The following LDLRAD4 variants were observed in gnomAD, a reference collection of about 807,000 sequenced individuals.
LDLRAD4 encodes low-density lipoprotein receptor class A domain-containing protein 4.
Under a neutral mutation model 17.0 loss-of-function variants are expected in LDLRAD4, and 5 were observed. The observed-to-expected ratio is 0.29, with a 90% confidence interval of 0.15 to 0.62. The LOEUF (loss-of-function observed/expected upper bound fraction) is 0.62. Among genes scored for constraint, LDLRAD4 ranks in the 20% least tolerant of loss-of-function variants. The pLI is 0.84. For synonymous variants in LDLRAD4, 168 were observed against 171.8 expected (o/e 0.98, Z 0.17); for missense variants, 340 against 424.7 (o/e 0.80, Z 1.75).
chr18:13,504,969 G>C (rs2093667746), intron 3 of LDLRAD4, among the ~76,000 whole-genome samples: 1 of 152,152 alleles, frequency 6.6e-6, no homozygotes, highest in Non-Finnish European at 1.5e-5. Flanking sequence ...GCTTGAGTCT[G>C]GAGACCTGGA....
At chr18:13,611,805 G>C (rs2039586402) in intron 3 of LDLRAD4, 7 of 985,770 alleles carry the variant, frequency 7.1e-6, no homozygotes, top group Non-Finnish European at 8.4e-6. Flanking sequence ...GGGGAAAGGA[G>C]CGCGCAGTGT....
chr18:13,443,227 C>T (rs2091148513), intron 3 of LDLRAD4, among the ~76,000 whole-genome samples: 1 of 152,120 alleles, frequency 6.6e-6, no homozygotes, highest in Non-Finnish European at 1.5e-5. Context: ...CCGAAACCAG[C>T]TCTTCCCACC....
chr18:13,386,794 A>G (rs999985672), intron 1 of LDLRAD4, among the ~76,000 whole-genome samples: 23 of 152,190 alleles, frequency 1.5e-4, no homozygotes, highest in African/African-American at 5.5e-4. Flanking sequence ...GCACATGCCT[A>G]TAATCCTAGC....
At chr18:13,272,916 C>A (rs1437960574) in intron 1 of LDLRAD4, among the ~76,000 whole-genome samples, 2 of 152,198 alleles carry the variant, frequency 1.3e-5, no homozygotes, top group African/African-American at 4.8e-5. Flanking sequence ...GTCAGTCTGT[C>A]TTGGCTTCAA....
At chr18:13,501,719 A>T (rs2147293794) in intron 3 of LDLRAD4, among the ~76,000 whole-genome samples, 1 of 152,200 alleles carries the variant, frequency 6.6e-6, no homozygotes, top group South Asian at 2.1e-4. Context: ...GTGTGTGCAC[A>T]GGACGCCTGA....
At chr18:13,348,751 C>T (rs2082856597) in intron 1 of LDLRAD4, among the ~76,000 whole-genome samples, 1 of 152,160 alleles carries the variant, frequency 6.6e-6, no homozygotes, top group Admixed American at 6.5e-5. Context: ...CTTTGTTTAC[C>T]TACTCAAGCC....
At chr18:13,363,245 T>G (rs984332903) in intron 1 of LDLRAD4, among the ~76,000 whole-genome samples, 1 of 144,900 alleles carries the variant, frequency 6.9e-6, no homozygotes, top group Non-Finnish European at 1.5e-5. Flanking sequence ...GGCAGGAGAA[T>G]GGCGTGAACC....
intron 1 of LDLRAD4, among the ~76,000 whole-genome samples, chr18:13,368,118 T>A (rs2084202359): frequency 6.6e-6 from 1 of 152,096 alleles, no homozygotes; most frequent in Admixed American, 6.5e-5. Flanking sequence ...CGAGTGAGCC[T>A]TTCTAGGAGG....
chr18:13,372,999 A>C (rs1599749249), intron 1 of LDLRAD4, among the ~76,000 whole-genome samples: 1 of 152,326 alleles, frequency 6.6e-6, no homozygotes, highest in Admixed American at 6.5e-5. Flanking sequence ...AATAAATATC[A>C]ACAACGGATT....
chr18:13,386,832 G>A (rs963917707), intron 1 of LDLRAD4, among the ~76,000 whole-genome samples: 1 of 152,132 alleles, frequency 6.6e-6, no homozygotes, highest in African/African-American at 2.4e-5. Flanking sequence ...CCTTTGTGAG[G>A]ATTGCTTGAG....
At chr18:13,374,485 C>G (rs1295504538) in intron 1 of LDLRAD4, among the ~76,000 whole-genome samples, 1 of 152,248 alleles carries the variant, frequency 6.6e-6, no homozygotes. Flanking sequence ...AATGCAGCCT[C>G]TTGGGCCCTG....
At chr18:13,526,956 T>C (rs1345233655) in intron 3 of LDLRAD4, among the ~76,000 whole-genome samples, 1 of 152,220 alleles carries the variant, frequency 6.6e-6, no homozygotes, top group African/African-American at 2.4e-5. Context: ...GGTTACTGTC[T>C]GTCTCATGAA....
chr18:13,354,675 T>C (rs1259745898), intron 1 of LDLRAD4, among the ~76,000 whole-genome samples: 2 of 152,204 alleles, frequency 1.3e-5, no homozygotes, highest in African/African-American at 4.8e-5. Flanking sequence ...TCAGACATTA[T>C]TTAGCTGGGG....
chr18:13,632,433 A>G (rs1350896940), intron 4 of LDLRAD4, among the ~76,000 whole-genome samples: 1 of 152,240 alleles, frequency 6.6e-6, no homozygotes, highest in Non-Finnish European at 1.5e-5. Context: ...AGGTACTGGC[A>G]CAGGTGCTTG....
rs147273960 is a variant in LDLRAD4, at chr18:13,402,732, A to G, written c.40+14970A>G. Among the ~76,000 whole-genome samples, 1,495 of 152,368 alleles carry G rather than the reference A, an allele frequency of 9.8e-3. 20 individuals carry two copies. The highest frequency in any genetic ancestry group is 0.034 in the African/African-American group (1,433 of 41,584). The stretch of plus-strand genomic sequence containing the variant: ...TTTGTGATGATTTGGGGACTCTTCC[A>G]TCATTCAAATTCCAAATTGCGAAAA... On this transcript the variant is annotated intron_variant, in intron 2 of 5. Coordinates refer to ENST00000359446, the Ensembl canonical transcript of LDLRAD4.
chr18:13,364,073 C>T (rs2083883312), intron 1 of LDLRAD4, among the ~76,000 whole-genome samples: 1 of 152,128 alleles, frequency 6.6e-6, no homozygotes, highest in African/African-American at 2.4e-5. Context: ...ATATAATTAG[C>T]ATAAAACAAG....
chr18:13,450,234 C>T (rs1351545814), intron 3 of LDLRAD4, among the ~76,000 whole-genome samples: 1 of 152,012 alleles, frequency 6.6e-6, no homozygotes, highest in African/African-American at 2.4e-5. Flanking sequence ...TGCCTCCTCT[C>T]ACCCTTCTGG....
At chr18:13,383,757 T>C (rs2085571472) in intron 1 of LDLRAD4, among the ~76,000 whole-genome samples, 1 of 152,142 alleles carries the variant, frequency 6.6e-6, no homozygotes, top group African/African-American at 2.4e-5. Context: ...CTGCGCTGCC[T>C]GTTGGTCACC....
rs1402593182 is a variant in LDLRAD4 at position 13,398,738 on chromosome 18, C to T, written c.40+10976C>T. Among the ~76,000 whole-genome samples, 3 of 152,066 alleles carry T rather than the reference C, an allele frequency of 2.0e-5. No individual in the cohort carries two copies. The highest frequency in any genetic ancestry group is 7.2e-5 in the African/African-American group (3 of 41,394). Reference sequence around the variant, plus strand: ...GGTGGGCTGCTGGTGTCCTCACAGCCTCTGACCACCAGCCTGGACGTGGGG... The same window carrying T: ...GGTGGGCTGCTGGTGTCCTCACAGCTTCTGACCACCAGCCTGGACGTGGGG... On this transcript the variant is annotated intron_variant, in intron 2 of 5. Transcript: ENST00000359446. This position sits in a 1 kb window ranked among gnomAD's most constrained non-coding sequence, Gnocchi z 4.8.
Sources: gnomAD v4.1 joint callset for allele counts (sites outside exome capture counted in the v4.1 genomes callset) on GRCh38, gnomAD v4.1.1 for gene constraint, Gnocchi (gnomAD v3.1) non-coding constraint, MANE v1.5 for transcripts, NCBI Gene and HGNC (gene_info 2026-07-23, HGNC 2026-07-21) for gene names.